Variants in PSME4 observed in about 807,000 individuals in gnomAD.
PSME4 encodes proteasome activator complex subunit 4.
Under a neutral mutation model 253.9 loss-of-function variants are expected in PSME4, and 89 were observed. The observed-to-expected ratio is 0.35, with a 90% CI of 0.30 to 0.42. The LOEUF (loss-of-function observed/expected upper bound fraction) is 0.42, where lower values mean the gene tolerates loss of function less well. PSME4 is among the 10% of genes least tolerant of loss of function. The pLI is 1.00. For missense variants in PSME4, 2,014 were observed against 2,195.2 expected, an observed-to-expected ratio of 0.92 and a Z score of 1.65; for synonymous variants, 851 against 759.2, an observed-to-expected ratio of 1.12 and a Z score of -1.99.
chr2:53,930,579 G>A (rs1248657109), intron 10 of PSME4, among the ~76,000 whole-genome samples: 1 of 152,180 alleles, frequency 6.6e-6, no homozygotes, highest in Admixed American at 6.5e-5. Context: ...TGTAAAAATA[G>A]GAGAAGTTGG....
At chr2:53,906,044 A>T (rs1259870897) in intron 26 of PSME4, among the ~76,000 whole-genome samples, 2 of 152,178 alleles carry the variant, frequency 1.3e-5, no homozygotes, top group East Asian at 3.9e-4. Context: ...CTTAACCTGT[A>T]GTTAATTTAC....
chr2:53,947,694 A>G (rs1258071885), intron 3 of PSME4, among the ~76,000 whole-genome samples: 1 of 109,510 alleles, frequency 9.1e-6, no homozygotes, highest in Non-Finnish European at 1.9e-5. Context: ...CGACAGAGCG[A>G]GACTCCATCT....
intron 32 of PSME4, 83 bp from the exon 33 acceptor site, chr2:53,895,819 A>G (rs698856): frequency 0.68 from 848,612 of 1,250,344 alleles, 293,383 homozygotes; most frequent in East Asian, 0.93. Context: ...CAGTACCAGC[A>G]TAACTTTGTC....
chr2:53,885,812 C>T (rs762540068), intron 40 of PSME4, 37 bp from the exon 41 acceptor site: 4 of 1,450,690 alleles, frequency 2.8e-6, no homozygotes, highest in Middle Eastern at 1.7e-4. Flanking sequence ...AAGTCTTTGC[C>T]ATTCATTTAC....
chr2:53,963,172 A>T (rs1417227166), intron 1 of PSME4, among the ~76,000 whole-genome samples: 1 of 152,132 alleles, frequency 6.6e-6, no homozygotes, highest in Non-Finnish European at 1.5e-5. Flanking sequence ...GAAAAACTTT[A>T]AAAATTAGCT....
At chr2:53,927,308 T>C in intron 12 of PSME4, 86 bp downstream of exon 12, 5 of 951,794 alleles carry the variant, frequency 5.3e-6, no homozygotes, top group Non-Finnish European at 5.0e-6. Flanking sequence ...ACTTCCAAAG[T>C]CGTTTCTAAA....
Position 53,926,103 on chromosome 2 carries a change from T to C in PSME4, c.1594-80A>G. 3.6e-6 allele frequency: 4 copies of C among 1,117,712 alleles called. No homozygotes were observed. The South Asian group carries it at 5.2e-5, about 15-fold the overall frequency. 69.2% of individuals were successfully genotyped at this position (1,117,712 alleles called of 1,614,324 possible). On this transcript the variant is annotated intron_variant, in intron 12 of 46. Transcript: ENST00000404125. ...GAACTAACAAAACTCAATTATTGCC[T>C]GCCAAATGTATCCACACTAAACCAT...
rs370566294 is a variant in PSME4 at position 53,866,858 on chromosome 2, C to G, written c.5286G>C (p.Gly1762=). 1 of 1,613,716 alleles carries G rather than the reference C, an allele frequency of 6.2e-7. No homozygotes were observed. Among genetic ancestry groups the G allele is most frequent in the African/African-American group, 1.3e-5 (1 of 74,864 alleles). ...GAACACATGCACCAAGTCCTAGCAC[C>G]CCAGCATGGCGTTTGACCAACTCTG... ...PSAELVKRHA[G]VLGLGACVLS... is the part of the protein sequence containing the mutation. The change falls in exon 45 of 47, where the codon GGG becomes GGC. Residue 1762 remains glycine, a synonymous_variant. Coordinates refer to ENST00000404125, the MANE Select transcript of PSME4 (RefSeq NM_014614.3).
At chr2:53,905,433 G>T (rs1680610986) in intron 26 of PSME4, among the ~76,000 whole-genome samples, 1 of 152,124 alleles carries the variant, frequency 6.6e-6, no homozygotes, top group Non-Finnish European at 1.5e-5. Context: ...GGGCATGGTG[G>T]CTCACACCTG....
intron 27 of PSME4, among the ~76,000 whole-genome samples, chr2:53,903,655 C>A (rs1365147022): frequency 6.6e-6 from 1 of 152,124 alleles, no homozygotes; most frequent in African/African-American, 2.4e-5. Flanking sequence ...TCCCTCTCTC[C>A]CATATGCCAG....
intron 1 of PSME4, among the ~76,000 whole-genome samples, chr2:53,970,132 G>C (rs1027572488): frequency 6.6e-6 from 1 of 152,144 alleles, no homozygotes; most frequent in Non-Finnish European, 1.5e-5. Context: ...AGGAAGCAAG[G>C]AGACAAGTCA....
chr2:53,901,379 G>C lies in PSME4; in HGVS notation c.3256C>G (p.Gln1086Glu). 6.2e-7 allele frequency: 1 copy of C among 1,613,692 alleles called. No homozygotes were observed. The highest frequency in any genetic ancestry group is 1.1e-5 in the South Asian group (1 of 91,062). Residue 1086 changes from glutamine to glutamate, a missense_variant, in exon 28 of 47, where the codon CAG (glutamine) becomes GAG (glutamate). Gln to Glu is a conservative substitution (Grantham distance 29, BLOSUM62 2). Coordinates refer to ENST00000404125, the MANE Select transcript of PSME4 (RefSeq NM_014614.3). The stretch of plus-strand genomic sequence containing the variant: ...AAGTCCAAGCCAATTGTTTCATACT[G>C]CCTATGAATCTTTTCTGCAAGATCA... ...FDDLAEKIHR[Q>E]YETIGLDFTI... is the part of the protein sequence containing the mutation.
At chr2:53,904,995 CAA>C (rs926849687) in intron 26 of PSME4, among the ~76,000 whole-genome samples, 1 of 145,666 alleles carries the variant, frequency 6.9e-6, no homozygotes, top group Non-Finnish European at 1.5e-5. Flanking sequence ...CTCAAACAAA[CAA>C]AAAAAGAGTT....
chr2:53,894,940 T>G (rs1330454442), intron 34 of PSME4, 67 bp downstream of exon 34: 1 of 1,332,784 alleles, frequency 7.5e-7, no homozygotes, highest in Non-Finnish European at 1.0e-6. Flanking sequence ...AGAACTGAAG[T>G]GAGGTTGAGA....
rs751190767 is a variant in PSME4 at position 53,936,826 on chromosome 2, G to A, written c.697C>T (p.Leu233Phe). ...AGGCCAATTAATTCATCAAACCAAA[G>A]TCTAAAGAAGAAAAATGTTGTTATG... ...PPELHHKGFK[L>F]WFDELIGLWV... The change falls in exon 6 of 47, where the codon CTT (leucine) becomes TTT (phenylalanine). Residue 233 changes from leucine (L) to phenylalanine (F), a missense_variant and splice_region_variant. Transcript: ENST00000404125. 2.5e-6 allele frequency: 4 copies of A among 1,586,074 alleles called. No individual in the cohort carries two copies. The highest frequency in any genetic ancestry group is 2.6e-6 in the Non-Finnish European group (3 of 1,166,296).
In PSME4 at chr2:53,904,031, T is replaced by C. The variant is rs779114593; in HGVS notation, c.3069A>G (p.Gln1023=). The change falls in exon 27 of 47, where the codon CAA becomes CAG. Residue 1023 remains glutamine, a synonymous_variant. Transcript: ENST00000404125. ...TAGGAAAAAAACCCTATACCTTGAA[T>C]TGTTGCTGTGTAACACCTTGTCTAT... ...RPDRQGVTQQ[Q]FKGALYCLLG... 1 of 1,607,026 alleles carries C rather than the reference T, an allele frequency of 6.2e-7. No homozygotes were observed. The highest frequency in any genetic ancestry group is 2.2e-5 in the East Asian group (1 of 44,776).
chr2:53,933,180 C>G (rs1477164932), intron 8 of PSME4: 1 of 161,148 alleles, frequency 6.2e-6, no homozygotes, highest in Non-Finnish European at 1.4e-5. Flanking sequence ...GAGTTCGAGA[C>G]CAGCCTTGCC....
At chr2:53,916,487 T>A (rs894068350) in intron 20 of PSME4, among the ~76,000 whole-genome samples, 1 of 152,178 alleles carries the variant, frequency 6.6e-6, no homozygotes, top group African/African-American at 2.4e-5. Context: ...CTAAGTTAAT[T>A]CTCTTTCTCT....
intron 43 of PSME4, chr2:53,870,269 T>C (rs1678805731): frequency 6.6e-6 from 1 of 152,258 alleles, no homozygotes; most frequent in Non-Finnish European, 1.5e-5. Flanking sequence ...CGTAACATGT[T>C]CTTTGCTGCG....
Sources: gnomAD v4.1 joint callset for allele counts (sites outside exome capture counted in the v4.1 genomes callset) on GRCh38, gnomAD v4.1.1 for gene constraint, MANE v1.5 for transcripts, NCBI Gene and HGNC (gene_info 2026-07-23, HGNC 2026-07-21) for gene names.